IMMP2L: variants seen among roughly 807,000 people sequenced by gnomAD.
IMMP2L encodes mitochondrial inner membrane protease subunit 2.
IMMP2L carries 18 observed loss-of-function variants against 19.3 expected under a neutral mutation model. That is an observed-to-expected ratio of 0.93 (90% CI 0.64 to 1.38). The LOEUF is 1.38. Among genes scored for constraint, IMMP2L ranks in the 40% most tolerant of loss-of-function variants. IMMP2L has a pLI of 0.00. For missense variants in IMMP2L, 233 were observed against 218.2 expected, an observed-to-expected ratio of 1.07 and a Z score of -0.43; for synonymous variants, 76 against 73.0, an observed-to-expected ratio of 1.04 and a Z score of -0.21.
intron 3 of IMMP2L, among the ~76,000 whole-genome samples, chr7:111,465,088 T>C (rs1227169029): frequency 6.6e-6 from 1 of 152,060 alleles, no homozygotes; most frequent in East Asian, 1.9e-4. Flanking sequence ...AGCCACCGCG[T>C]CCGGCCAACA....
chr7:111,144,035 A>G (rs1010091725), intron 3 of IMMP2L, among the ~76,000 whole-genome samples: 10 of 152,142 alleles, frequency 6.6e-5, no homozygotes, highest in Non-Finnish European at 1.0e-4. Flanking sequence ...AAATAAAATG[A>G]TTGTTTCTGG....
intron 3 of IMMP2L, among the ~76,000 whole-genome samples, chr7:111,289,455 C>T (rs1036351928): frequency 6.6e-6 from 1 of 150,768 alleles, no homozygotes; most frequent in African/African-American, 2.4e-5. Flanking sequence ...AAGTTGGTGG[C>T]AAATTCTGAA....
intron 5 of IMMP2L, among the ~76,000 whole-genome samples, chr7:110,874,357 T>A (rs1384326131): frequency 3.9e-5 from 6 of 152,070 alleles, no homozygotes; most frequent in Admixed American, 6.6e-5. Flanking sequence ...TAATGGGGCA[T>A]CCTCTTCATA....
intron 1 of IMMP2L, among the ~76,000 whole-genome samples, chr7:111,550,957 A>C (rs1380745181): frequency 1.3e-5 from 2 of 152,192 alleles, no homozygotes; most frequent in Admixed American, 1.3e-4. Context: ...GAAAATCTGC[A>C]GCAACAAGGA....
At chr7:110,918,710 T>G (rs1464437071) in intron 4 of IMMP2L, among the ~76,000 whole-genome samples, 1 of 151,988 alleles carries the variant, frequency 6.6e-6, no homozygotes, top group Non-Finnish European at 1.5e-5. Context: ...CACCTCGCCC[T>G]CTCAAAGTGC....
intron 5 of IMMP2L, among the ~76,000 whole-genome samples, chr7:110,811,582 T>G (rs1390428979): frequency 1.3e-5 from 2 of 152,124 alleles, no homozygotes; most frequent in African/African-American, 4.8e-5. Flanking sequence ...TTGGTTTAGC[T>G]TCTATAGCAA....
chr7:111,379,200 T>C (rs1395469765), intron 3 of IMMP2L, among the ~76,000 whole-genome samples: 1 of 137,462 alleles, frequency 7.3e-6, no homozygotes, highest in Non-Finnish European at 1.6e-5. Flanking sequence ...CAAGTAACCC[T>C]TATGGTAAAA....
intron 3 of IMMP2L, among the ~76,000 whole-genome samples, chr7:111,240,223 T>G (rs139577165): frequency 5.5e-4 from 84 of 152,108 alleles, no homozygotes; most frequent in Admixed American, 4.4e-3. Flanking sequence ...TAGGCTATAA[T>G]GAATGGCTGC....
chr7:110,833,406 T>C (rs1407393849), intron 5 of IMMP2L, among the ~76,000 whole-genome samples: 2 of 135,802 alleles, frequency 1.5e-5, no homozygotes, highest in African/African-American at 5.6e-5. Flanking sequence ...GCCATTTCAC[T>C]CCAGCCTGGG....
intron 3 of IMMP2L, among the ~76,000 whole-genome samples, chr7:110,999,207 A>G (rs1396718696): frequency 6.6e-6 from 1 of 151,682 alleles, no homozygotes; most frequent in Non-Finnish European, 1.5e-5. Context: ...TTAAATATGT[A>G]TCTGAGTTTA....
chr7:110,713,400 T>C (rs1288395718), intron 5 of IMMP2L, among the ~76,000 whole-genome samples: 1 of 152,218 alleles, frequency 6.6e-6, no homozygotes, highest in African/African-American at 2.4e-5. Context: ...CGGGCTCTTT[T>C]TCTGTTTCCA....
intron 3 of IMMP2L, among the ~76,000 whole-genome samples, chr7:110,978,911 T>C (rs1820969882): frequency 1.3e-5 from 2 of 152,050 alleles, no homozygotes; most frequent in Admixed American, 1.3e-4. Flanking sequence ...TCAATTCAAA[T>C]CATTTTGTTT....
intron 3 of IMMP2L, among the ~76,000 whole-genome samples, chr7:111,378,441 T>A (rs1830893553): frequency 6.6e-6 from 1 of 152,048 alleles, no homozygotes; most frequent in Admixed American, 6.6e-5. Flanking sequence ...TCATGACTTT[T>A]ATAATAATAC....
chr7:111,078,712 A>T (rs1269958427), intron 3 of IMMP2L, among the ~76,000 whole-genome samples: 1 of 151,688 alleles, frequency 6.6e-6, no homozygotes, highest in Non-Finnish European at 1.5e-5. Flanking sequence ...AAGCTGTGGT[A>T]TTTTTTATTT....
rs146489810 is a variant in IMMP2L, at chr7:110,793,420, AAAACAAAC to A, written c.408+93165_408+93172del. ...GGGCAACAGAGCAAGACTCTGTCTCAAAACAAACAAACAAACAAACAAACAAACAAAAC... is the reference window on the plus strand; with the variant it reads ...GGGCAACAGAGCAAGACTCTGTCTCAAAACAAACAAACAAACAAACAAAAC... On this transcript the variant is annotated intron_variant, in intron 5 of 5. Transcript: ENST00000405709. Among the ~76,000 whole-genome samples the A allele has an allele frequency of 5.0e-3, 743 of 150,086 alleles. 4 individuals are homozygous for A. The highest frequency in any genetic ancestry group is 0.016 in the African/African-American group (677 of 41,216).
intron 3 of IMMP2L, among the ~76,000 whole-genome samples, chr7:110,994,198 A>G (rs1822798080): frequency 6.6e-6 from 1 of 150,482 alleles, no homozygotes; most frequent in Non-Finnish European, 1.5e-5. Flanking sequence ...ACCCCGGTTG[A>G]TCTCTGCTTA....
chr7:111,388,109 T>C (rs773242318), intron 3 of IMMP2L, among the ~76,000 whole-genome samples: 1 of 151,842 alleles, frequency 6.6e-6, no homozygotes, highest in Non-Finnish European at 1.5e-5. Flanking sequence ...CAGCCCTTTA[T>C]ATCTAAAAGA....
At chr7:110,683,927 T>C (rs934668814) in intron 5 of IMMP2L, among the ~76,000 whole-genome samples, 16 of 152,130 alleles carry the variant, frequency 1.1e-4, no homozygotes, top group African/African-American at 3.9e-4. Context: ...TTTAGGGTCA[T>C]TCAACATTCA....
chr7:110,812,812 A>G (rs748947273), intron 5 of IMMP2L, among the ~76,000 whole-genome samples: 3 of 151,976 alleles, frequency 2.0e-5, no homozygotes, highest in Non-Finnish European at 4.4e-5. Context: ...TTCGTTTTTC[A>G]TTTATCCTCA....
Sources: gnomAD v4.1 joint callset for allele counts (sites outside exome capture counted in the v4.1 genomes callset) on GRCh38, gnomAD v4.1.1 for gene constraint, MANE v1.5 for transcripts, NCBI Gene and HGNC (gene_info 2026-07-23, HGNC 2026-07-21) for gene names.